GALNT13: variants seen among roughly 807,000 people sequenced by gnomAD.
The protein encoded by GALNT13 is polypeptide N-acetylgalactosaminyltransferase 13, also known as UDP-GalNAc:polypeptide N-acetylgalactosaminyltransferase 13.
A neutral mutation model predicts 64.2 loss-of-function variants in GALNT13; 28 were observed. That is an observed-to-expected ratio of 0.44 (90% CI 0.32 to 0.60). The LOEUF (loss-of-function observed/expected upper bound fraction) is 0.60, where lower values mean the gene tolerates loss of function less well. Among genes scored for constraint, GALNT13 ranks in the 20% least tolerant of loss-of-function variants. GALNT13 has a pLI of 0.05. For synonymous variants in GALNT13, 214 were observed against 224.6 expected, an observed-to-expected ratio of 0.95 and a Z score of 0.42; for missense variants, 577 against 669.8, an observed-to-expected ratio of 0.86 and a Z score of 1.53.
chr2:153,263,502 C>T, the GALNT13 span, among the ~76,000 whole-genome samples: 1 of 151,986 alleles, frequency 6.6e-6, no homozygotes, highest in African/African-American at 2.4e-5. Flanking sequence ...GAATCAATAG[C>T]AAAAAGAACA....
At chr2:154,437,291 T>A (rs1398394196) in intron 11 of GALNT13, 1 of 183,240 alleles carries the variant, frequency 5.5e-6, no homozygotes, top group Non-Finnish European at 1.2e-5. Context: ...CCACTTCTTG[T>A]GGTTTTCATA....
the GALNT13 span, among the ~76,000 whole-genome samples, chr2:153,145,193 G>A: frequency 6.6e-6 from 1 of 151,800 alleles, no homozygotes; most frequent in Non-Finnish European, 1.5e-5. Flanking sequence ...GTATGGATTG[G>A]TGACTTTCAG....
chr2:153,174,483 T>G, the GALNT13 span, among the ~76,000 whole-genome samples: 1 of 147,442 alleles, frequency 6.8e-6, no homozygotes, highest in Non-Finnish European at 1.5e-5. Context: ...TTTTTTTTTT[T>G]GTAATGTGGA....
chr2:153,297,429 G>A, the GALNT13 span, among the ~76,000 whole-genome samples: 196 of 152,252 alleles, frequency 1.3e-3, 6 homozygotes, highest in East Asian at 0.036. Flanking sequence ...ACTGGAAGAG[G>A]CATAAAATTG....
At chr2:153,266,744 G>T in the GALNT13 span, among the ~76,000 whole-genome samples, 126,386 of 152,054 alleles carry the variant, frequency 0.83, 53,780 homozygotes, top group African/African-American at 0.93. Context: ...GATTACAATT[G>T]GAGATGAGAT....
At chr2:154,098,014 T>G (rs1702157261) in intron 3 of GALNT13, among the ~76,000 whole-genome samples, 1 of 151,428 alleles carries the variant, frequency 6.6e-6, no homozygotes, top group East Asian at 2.0e-4. Flanking sequence ...GTGACCAAAC[T>G]CTGGAGTCTC....
intron 4 of GALNT13, among the ~76,000 whole-genome samples, chr2:154,203,743 A>G (rs1238261851): frequency 6.6e-6 from 1 of 152,136 alleles, no homozygotes. Context: ...TTTCCACTAC[A>G]TGAAAGCCCT....
At chr2:153,806,680 T>TAAA in the GALNT13 span, among the ~76,000 whole-genome samples, 17 of 135,224 alleles carry the variant, frequency 1.3e-4, no homozygotes, top group Admixed American at 5.9e-4. Flanking sequence ...TGTCAATTTG[T>TAAA]AAAAAAAAAA....
At chr2:153,351,760 A>G in the GALNT13 span, among the ~76,000 whole-genome samples, 1 of 152,150 alleles carries the variant, frequency 6.6e-6, no homozygotes, top group Non-Finnish European at 1.5e-5. Context: ...TATACATTTA[A>G]GTTTCCTCCC....
At chr2:153,221,672 T>C in the GALNT13 span, among the ~76,000 whole-genome samples, 1 of 152,030 alleles carries the variant, frequency 6.6e-6, no homozygotes, top group Admixed American at 6.5e-5. Context: ...CTGCCAAGGG[T>C]GAGCCAGGCG....
chr2:153,077,470 G>A, the GALNT13 span, among the ~76,000 whole-genome samples: 1 of 152,212 alleles, frequency 6.6e-6, no homozygotes, highest in South Asian at 2.1e-4. Flanking sequence ...TTCATAGGGT[G>A]AATAAGGAAG....
At chr2:153,859,721 T>C in the GALNT13 span, among the ~76,000 whole-genome samples, 1 of 152,152 alleles carries the variant, frequency 6.6e-6, no homozygotes, top group Non-Finnish European at 1.5e-5. Context: ...GAGACAACTT[T>C]CTAGATGTAA....
intron 3 of GALNT13, among the ~76,000 whole-genome samples, chr2:153,960,417 A>G (rs993282158): frequency 6.6e-6 from 1 of 152,212 alleles, no homozygotes; most frequent in African/African-American, 2.4e-5. Context: ...AAACAGCTTT[A>G]TTGAACAGAC....
the GALNT13 span, among the ~76,000 whole-genome samples, chr2:153,746,659 G>C: frequency 5.3e-5 from 8 of 152,210 alleles, no homozygotes; most frequent in Non-Finnish European, 1.0e-4. Context: ...GAATTTCTGG[G>C]CCGTAGGTTA....
intron 4 of GALNT13, among the ~76,000 whole-genome samples, chr2:154,189,393 C>A (rs192437293): frequency 1.9e-4 from 29 of 148,784 alleles, no homozygotes; most frequent in African/African-American, 7.2e-4. Context: ...AGGGCAGGAC[C>A]TTGGTCTGAT....
chr2:153,783,198 A>G, the GALNT13 span, among the ~76,000 whole-genome samples: 2 of 152,228 alleles, frequency 1.3e-5, no homozygotes, highest in South Asian at 4.1e-4. Flanking sequence ...GAAAATACAT[A>G]TCATGAAAAT....
chr2:153,792,043 C>T, the GALNT13 span, among the ~76,000 whole-genome samples: 1 of 152,092 alleles, frequency 6.6e-6, no homozygotes, highest in Non-Finnish European at 1.5e-5. Flanking sequence ...CAAACGTACA[C>T]ATGTACCCCT....
chr2:153,314,430 T>C, the GALNT13 span, among the ~76,000 whole-genome samples: 10 of 152,216 alleles, frequency 6.6e-5, no homozygotes, highest in South Asian at 1.0e-3. Flanking sequence ...ATAAAGAAAC[T>C]AGACCAAAAA....
the GALNT13 span, among the ~76,000 whole-genome samples, chr2:153,638,630 T>C: frequency 4.8e-5 from 1 of 20,926 alleles, no homozygotes; most frequent in Admixed American, 7.4e-4. Context: ...GAAGAGCTTC[T>C]CCATAGCAAC....
Sources: gnomAD v4.1 joint callset for allele counts (sites outside exome capture counted in the v4.1 genomes callset) on GRCh38, gnomAD v4.1.1 for gene constraint, MANE v1.5 for transcripts, NCBI Gene and HGNC (gene_info 2026-07-23, HGNC 2026-07-21) for gene names.